The following FSTL4 variants were observed in gnomAD, a reference collection of about 807,000 sequenced individuals.
FSTL4 encodes the protein follistatin-related protein 4.
FSTL4 carries 28 observed loss-of-function variants against 78.2 expected under a neutral mutation model. The ratio of observed to expected loss-of-function variants is 0.36; its 90% confidence interval spans 0.27 to 0.49. The LOEUF (loss-of-function observed/expected upper bound fraction) is 0.49, where lower values mean the gene tolerates loss of function less well. Among genes scored for constraint, FSTL4 ranks in the 20% least tolerant of loss-of-function variants. The pLI, the probability that FSTL4 is intolerant of heterozygous loss-of-function variation, is 0.98. For missense variants in FSTL4, 922 were observed against 1,084.9 expected (o/e 0.85, Z 2.11); for synonymous variants, 422 against 440.5 (o/e 0.96, Z 0.53).
At chr5:133,311,262 C>T (rs938991009) in intron 6 of FSTL4, among the ~76,000 whole-genome samples, 18 of 152,102 alleles carry the variant, frequency 1.2e-4, no homozygotes, top group Non-Finnish European at 2.2e-4. Context: ...CAAACACCTC[C>T]GCAGCAGGAT....
Position 133,217,461 on chromosome 5 carries a change from C to CT in FSTL4, c.1459-84dup. ...CTAGGTACTCTCTCCCCTGACCCTC[C>CT]TCTGTGCCTTTCTTCCTCTCTCTTA... On this transcript the variant is annotated intron_variant, in intron 12 of 15. Coordinates refer to ENST00000265342, the MANE Select transcript of FSTL4 (RefSeq NM_015082.2). The CT allele has an allele frequency of 4.6e-6, 6 of 1,296,456 alleles. No individual in the cohort carries two copies. In the South Asian group the frequency reaches 6.9e-5, roughly 15 times the overall value. The allele number at this position is 1,296,456 out of a possible 1,614,324, so 80.3% of individuals were successfully genotyped here. A position where few individuals can be genotyped will look rare whatever the true frequency, so the allele number is the denominator to read the frequency against.
the FSTL4 span, among the ~76,000 whole-genome samples, chr5:133,754,635 C>A: frequency 9.2e-5 from 14 of 152,288 alleles, no homozygotes; most frequent in Non-Finnish European, 2.9e-5. Context: ...TAATGAGGCT[C>A]ACCTCAGAAA....
chr5:133,641,594 G>A, the FSTL4 span, among the ~76,000 whole-genome samples: 1 of 152,114 alleles, frequency 6.6e-6, no homozygotes, highest in Non-Finnish European at 1.5e-5. Context: ...TTGCATGTTT[G>A]TGTATATATG....
At chr5:133,702,030 A>C in the FSTL4 span, among the ~76,000 whole-genome samples, 2 of 152,048 alleles carry the variant, frequency 1.3e-5, no homozygotes, top group East Asian at 1.9e-4. Context: ...CCCTGAAACC[A>C]TCCCCCACCC....
At chr5:133,510,277 C>T (rs537048171) in intron 3 of FSTL4, among the ~76,000 whole-genome samples, 3 of 152,348 alleles carry the variant, frequency 2.0e-5, no homozygotes, top group African/African-American at 7.2e-5. Context: ...ACACCCTCTA[C>T]ACAGTGGTTC....
At chr5:133,396,124 C>G (rs2126967131) in intron 4 of FSTL4, among the ~76,000 whole-genome samples, 1 of 152,312 alleles carries the variant, frequency 6.6e-6, no homozygotes, top group African/African-American at 2.4e-5. Flanking sequence ...CCCCTGACCT[C>G]TTAGCTCATT....
At chr5:133,326,311 C>G (rs959478033) in intron 4 of FSTL4, among the ~76,000 whole-genome samples, 10 of 152,168 alleles carry the variant, frequency 6.6e-5, no homozygotes, top group African/African-American at 2.4e-4. Context: ...AGCCACAAAA[C>G]TCTGAAAATT....
rs116283384 is a variant in FSTL4 at position 133,257,433 on chromosome 5, G to A, written c.728-7857C>T. ...ATCCTCCTTGTTTGCAGGAGGGGCC[G>A]GCCTGTGCAGGGGCAGGGTTACCTG... On this transcript the variant is annotated intron_variant, in intron 6 of 15. Coordinates refer to ENST00000265342, the MANE Select transcript of FSTL4 (RefSeq NM_015082.2). Among the ~76,000 whole-genome samples, 290 of 152,288 alleles carry A rather than the reference G, an allele frequency of 1.9e-3. 2 individuals carry two copies. The highest frequency in any genetic ancestry group is 6.5e-3 in the African/African-American group (271 of 41,550).
intron 3 of FSTL4, among the ~76,000 whole-genome samples, chr5:133,528,783 G>A (rs17698129): frequency 0.068 from 10,318 of 152,274 alleles, 487 homozygotes; most frequent in Admixed American, 0.11. Flanking sequence ...CCAACAACCC[G>A]TGTAAGTCAG....
chr5:133,238,395 G>A (rs1165030711), intron 7 of FSTL4, among the ~76,000 whole-genome samples: 1 of 152,178 alleles, frequency 6.6e-6, no homozygotes, highest in Non-Finnish European at 1.5e-5. Flanking sequence ...ACTAACTGTA[G>A]CATCTCACCT....
chr5:133,204,680 A>AAAT (rs768899919), intron 14 of FSTL4, among the ~76,000 whole-genome samples: 11 of 152,044 alleles, frequency 7.2e-5, no homozygotes, highest in Non-Finnish European at 1.5e-4. Context: ...AAAAATACAA[A>AAAT]AATTAGCTGG....
intron 2 of FSTL4, among the ~76,000 whole-genome samples, chr5:133,580,387 T>C (rs1406216246): frequency 6.6e-6 from 1 of 152,232 alleles, no homozygotes; most frequent in African/African-American, 2.4e-5. Context: ...TTTGTTCATG[T>C]GTTCACTCAT....
At chr5:133,513,533 T>G (rs903970318) in intron 3 of FSTL4, among the ~76,000 whole-genome samples, 1 of 152,220 alleles carries the variant, frequency 6.6e-6, no homozygotes, top group African/African-American at 2.4e-5. Context: ...GAAGAGGAAC[T>G]GCATGAAGTG....
the FSTL4 span, among the ~76,000 whole-genome samples, chr5:133,812,370 A>G: frequency 6.6e-6 from 1 of 152,098 alleles, no homozygotes; most frequent in African/African-American, 2.4e-5. Context: ...ACCCCTTACC[A>G]TGGCTACAAG....
Position 133,328,861 on chromosome 5 carries a change from T to G in FSTL4, c.410-12209A>C, listed in dbSNP as rs59403974. The stretch of plus-strand genomic sequence containing the variant: ...TCCAAGACTTCCTTGGGAGGCTGCA[T>G]CCTCCCAAACATCTAACTAAGGGGA... On this transcript the variant is annotated intron_variant, in intron 4 of 15. Transcript: ENST00000265342. Among the ~76,000 whole-genome samples, 1,426 of 152,272 alleles carry G rather than the reference T, an allele frequency of 9.4e-3. 21 individuals are homozygous for G. The highest frequency in any genetic ancestry group is 0.031 in the African/African-American group (1,288 of 41,540).
chr5:133,555,714 G>A (rs145063808), intron 3 of FSTL4, among the ~76,000 whole-genome samples: 4 of 152,028 alleles, frequency 2.6e-5, no homozygotes, highest in Admixed American at 2.0e-4. Flanking sequence ...TTTATTTTCC[G>A]CTGAAGTTTC....
At chr5:133,381,539 C>T (rs1490577765) in intron 4 of FSTL4, among the ~76,000 whole-genome samples, 1 of 152,184 alleles carries the variant, frequency 6.6e-6, no homozygotes, top group Admixed American at 6.5e-5. Flanking sequence ...ACAGTGGTCA[C>T]CTCCAGGCAG....
chr5:133,547,191 T>C (rs1028831471), intron 3 of FSTL4, among the ~76,000 whole-genome samples: 4 of 152,204 alleles, frequency 2.6e-5, no homozygotes, highest in African/African-American at 9.7e-5. Context: ...TGTAGGGCTT[T>C]GGACTTACTT....
chr5:133,733,997 C>T, the FSTL4 span, among the ~76,000 whole-genome samples: 2 of 152,208 alleles, frequency 1.3e-5, no homozygotes, highest in African/African-American at 4.8e-5. Flanking sequence ...CAACTGGGTT[C>T]CTCAACAGAG....
Sources: allele counts gnomAD v4.1 joint callset (sites outside exome capture counted in the v4.1 genomes callset), GRCh38; gene constraint gnomAD v4.1.1; transcripts MANE v1.5; gene names NCBI Gene and HGNC (gene_info 2026-07-23, HGNC 2026-07-21).